The following VPS45 variants were observed in gnomAD, a reference collection of about 807,000 sequenced individuals.
The protein encoded by VPS45 is vacuolar protein sorting 45 homolog, also known as vacuolar protein sorting-associated protein 45.
In VPS45, 35 loss-of-function variants were observed where a neutral mutation model predicts 75.9. The observed-to-expected ratio is 0.46, with a 90% CI of 0.35 to 0.61. The LOEUF is 0.61. VPS45 is among the 20% of genes least tolerant of loss of function. The probability of loss-of-function intolerance (pLI) is 0.00; values close to 1 mark genes in which losing one functional copy is unlikely to be tolerated. For missense variants in VPS45, 559 were observed against 685.9 expected (o/e 0.81, Z 2.07); for synonymous variants, 220 against 238.2 (o/e 0.92, Z 0.70).
chr1:150,132,108 G>C (rs1975957), intron 14 of VPS45, among the ~76,000 whole-genome samples: 39,833 of 152,026 alleles, frequency 0.26, 7,873 homozygotes, highest in African/African-American at 0.56. Flanking sequence ...TGACAGACAC[G>C]CCTGCCCTGT....
At chr1:150,082,629 C>A in intron 9 of VPS45, 87 bp from the exon 10 acceptor site, 1 of 1,491,274 alleles carries the variant, frequency 6.7e-7, no homozygotes, top group Admixed American at 2.2e-5. Context: ...GAAAAACAAC[C>A]CCCGCTTTCC....
intron 14 of VPS45, among the ~76,000 whole-genome samples, chr1:150,117,022 G>T (rs1233364166): frequency 2.0e-5 from 3 of 152,062 alleles, no homozygotes; most frequent in Admixed American, 1.3e-4. Context: ...CTATCACAGT[G>T]AAACCCCATC....
chr1:150,087,305 G>A (rs1553800921), intron 10 of VPS45, among the ~76,000 whole-genome samples: 2 of 152,106 alleles, frequency 1.3e-5, no homozygotes, highest in Admixed American at 1.3e-4. Flanking sequence ...TTCAGTGCAA[G>A]GTTTTCGAAT....
At chr1:150,110,399 CAA>C in intron 13 of VPS45, 95 bp from the exon 14 acceptor site, 1 of 816,658 alleles carries the variant, frequency 1.2e-6, no homozygotes, top group Non-Finnish European at 1.7e-6. Context: ...CTTCCTCCAC[CAA>C]AAAAAAAGAT....
intron 14 of VPS45, among the ~76,000 whole-genome samples, chr1:150,142,592 C>A (rs782154042): frequency 2.6e-5 from 4 of 152,204 alleles, no homozygotes; most frequent in Non-Finnish European, 5.9e-5. Flanking sequence ...ACTGGTCATT[C>A]CTCCAGTCCT....
intron 14 of VPS45, among the ~76,000 whole-genome samples, chr1:150,128,942 C>G (rs1320186734): frequency 6.6e-6 from 1 of 152,044 alleles, no homozygotes; most frequent in Non-Finnish European, 1.5e-5. Flanking sequence ...GGGGTTTCAC[C>G]GTGTTAGCCA....
In VPS45 at chr1:150,083,895, ACT is replaced by A. The variant is rs1176035608; in HGVS notation, c.1104+1015_1104+1016del. On this transcript the variant is annotated intron_variant, in intron 10 of 14. Transcript: ENST00000644510. ...TTTAGAAGAATAGCAACATAATCAG[ACT>A]CTGGCCTCAAGAAATGTATAGTCTA... Among the ~76,000 whole-genome samples the A allele has an allele frequency of 9.2e-5, 14 of 152,050 alleles. No individual in the cohort carries two copies. In the East Asian group the frequency reaches 2.7e-3, roughly 29 times the overall value.
At chr1:150,140,908 G>T (rs1659361323) in intron 14 of VPS45, among the ~76,000 whole-genome samples, 1 of 152,184 alleles carries the variant, frequency 6.6e-6, no homozygotes, top group African/African-American at 2.4e-5. Context: ...CTTCCTAGAG[G>T]AGTAATAATG....
intron 10 of VPS45, among the ~76,000 whole-genome samples, chr1:150,087,668 G>A (rs1656085949): frequency 6.6e-6 from 1 of 152,164 alleles, no homozygotes; most frequent in Admixed American, 6.5e-5. Flanking sequence ...AGACAAAAAG[G>A]TCCTGCGTCT....
intron 13 of VPS45, among the ~76,000 whole-genome samples, chr1:150,102,893 G>A (rs1657117995): frequency 6.6e-6 from 1 of 152,088 alleles, no homozygotes; most frequent in Non-Finnish European, 1.5e-5. Flanking sequence ...GGAGGGAGAG[G>A]AACAGAAAAG....
At chr1:150,118,012 G>A (rs909794172) in intron 14 of VPS45, among the ~76,000 whole-genome samples, 3 of 151,930 alleles carry the variant, frequency 2.0e-5, no homozygotes, top group Admixed American at 6.6e-5. Flanking sequence ...GGTGGCTCAC[G>A]CCTGTAATCT....
chr1:150,141,729 T>A (rs1310526635), intron 14 of VPS45, among the ~76,000 whole-genome samples: 1 of 152,234 alleles, frequency 6.6e-6, no homozygotes, highest in Non-Finnish European at 1.5e-5. Context: ...TGCCTCTGTT[T>A]ATACTCATAT....
intron 14 of VPS45, among the ~76,000 whole-genome samples, chr1:150,130,799 A>G (rs181329706): frequency 2.0e-5 from 3 of 152,256 alleles, no homozygotes; most frequent in African/African-American, 4.8e-5. Context: ...CACTTATTCA[A>G]TTGTTGACTT....
At chr1:150,097,548 G>A (rs1353838508) in intron 13 of VPS45, among the ~76,000 whole-genome samples, 2 of 151,494 alleles carry the variant, frequency 1.3e-5, no homozygotes, top group Non-Finnish European at 2.9e-5. Context: ...GTGAAACCCT[G>A]TCTCTACTAA....
At chr1:150,068,115 A>C in intron 1 of VPS45, 165 bp downstream of exon 1, 1 of 665,800 alleles carries the variant, frequency 1.5e-6, no homozygotes, top group Non-Finnish European at 2.6e-6. Context: ...GTGGGTTTTC[A>C]GTCTACATGG....
chr1:150,081,994 GA>G lies in VPS45; in HGVS notation c.935del (p.Lys312ArgfsTer21), dbSNP rs1393483638. On this transcript the variant is annotated frameshift_variant and splice_region_variant, in exon 9 of 15. Coordinates refer to ENST00000644510, the MANE Select transcript of VPS45 (RefSeq NM_007259.5). LOFTEE classifies it high-confidence loss of function. ...QQKLESIADM[K>X]AFVENYPQFK... ...AAAAACTAGAATCAATAGCAGACATGAAGGTAAATTGAACATGTACATGAAT... is the reference window on the plus strand; with the variant it reads ...AAAAACTAGAATCAATAGCAGACATGAGGTAAATTGAACATGTACATGAAT... 6.3e-7 allele frequency: 1 copy of G among 1,594,106 alleles called. No individual in the cohort carries two copies. The highest frequency in any genetic ancestry group is 1.3e-5 in the African/African-American group (1 of 74,460).
intron 14 of VPS45, among the ~76,000 whole-genome samples, chr1:150,143,697 A>G (rs1225590375): frequency 6.6e-6 from 1 of 152,180 alleles, no homozygotes; most frequent in Non-Finnish European, 1.5e-5. Flanking sequence ...AACAGTGAGT[A>G]GTTGGGCATG....
intron 7 of VPS45, among the ~76,000 whole-genome samples, chr1:150,080,040 G>T (rs1221214862): frequency 2.0e-5 from 3 of 151,964 alleles, no homozygotes; most frequent in African/African-American, 7.3e-5. Context: ...TGTCCTCAAA[G>T]AGCTCATGGT....
At chr1:150,141,293 T>G (rs1298080804) in intron 14 of VPS45, among the ~76,000 whole-genome samples, 1 of 152,190 alleles carries the variant, frequency 6.6e-6, no homozygotes, top group Non-Finnish European at 1.5e-5. Flanking sequence ...ACTATTCAGG[T>G]TCTAGATTCC....
Sources: allele counts gnomAD v4.1 joint callset (sites outside exome capture counted in the v4.1 genomes callset), GRCh38; gene constraint gnomAD v4.1.1; transcripts MANE v1.5; gene names NCBI Gene and HGNC (gene_info 2026-07-23, HGNC 2026-07-21).